STK32B: variants seen among roughly 807,000 people sequenced by gnomAD.
STK32B encodes serine/threonine-protein kinase 32B.
A neutral mutation model predicts 52.6 loss-of-function variants in STK32B; 43 were observed. The observed-to-expected ratio is 0.82, with a 90% CI of 0.64 to 1.05. STK32B has a LOEUF of 1.05. Ranked by LOEUF, STK32B falls within the 50% of genes least tolerant of loss-of-function variation. STK32B has a pLI of 0.00. For missense variants in STK32B, 621 were observed against 534.6 expected, an observed-to-expected ratio of 1.16 and a Z score of -1.59; for synonymous variants, 238 against 204.3, an observed-to-expected ratio of 1.17 and a Z score of -1.41.
intron 4 of STK32B, among the ~76,000 whole-genome samples, chr4:5,370,171 G>A (rs1735137160): frequency 6.6e-6 from 1 of 151,642 alleles, no homozygotes; most frequent in Admixed American, 6.6e-5. Flanking sequence ...CACCACGCCC[G>A]ACCCTCAAAG....
chr4:5,455,134 T>A (rs1320321399), intron 7 of STK32B, among the ~76,000 whole-genome samples: 1 of 151,208 alleles, frequency 6.6e-6, no homozygotes, highest in East Asian at 1.9e-4. Context: ...AGGGCCAACA[T>A]CTTCTCCAGG....
chr4:5,343,339 C>T (rs929737871), intron 4 of STK32B, among the ~76,000 whole-genome samples: 4 of 152,034 alleles, frequency 2.6e-5, no homozygotes, highest in Non-Finnish European at 4.4e-5. Flanking sequence ...TTTCTTCATC[C>T]AGTCTATCAT....
intron 3 of STK32B, among the ~76,000 whole-genome samples, chr4:5,302,512 A>T (rs1729631470): frequency 6.6e-6 from 1 of 152,188 alleles, no homozygotes; most frequent in Non-Finnish European, 1.5e-5. Flanking sequence ...GTTTGTACCA[A>T]AATTTATTTT....
intron 3 of STK32B, among the ~76,000 whole-genome samples, chr4:5,178,629 G>A (rs1300931015): frequency 6.6e-6 from 1 of 152,180 alleles, no homozygotes; most frequent in African/African-American, 2.4e-5. Flanking sequence ...ACATTTTGCT[G>A]CTTAGAAATT....
At position 5,398,328 on chromosome 4, in the gene STK32B, C is replaced by G; in HGVS notation, c.472+84C>G. ...AATAGTGCGGGGGTGGGGGTTGGGTCTTGCTGAGTTGGACATTAGCATTGG... is the reference window on the plus strand; with the variant it reads ...AATAGTGCGGGGGTGGGGGTTGGGTGTTGCTGAGTTGGACATTAGCATTGG... On this transcript the variant is annotated intron_variant, in intron 5 of 11. Transcript: ENST00000282908. This position sits in a 1 kb window ranked among gnomAD's most constrained non-coding sequence, Gnocchi z 4.9. 6.8e-7 allele frequency: 1 copy of G among 1,464,532 alleles called. No homozygotes were observed. Among genetic ancestry groups the G allele is most frequent in the Non-Finnish European group, 9.5e-7 (1 of 1,054,886 alleles). 90.7% of individuals were successfully genotyped at this position (1,464,532 alleles called of 1,614,324 possible). A position where few individuals can be genotyped will look rare whatever the true frequency, so the allele number is the denominator to read the frequency against.
intron 3 of STK32B, among the ~76,000 whole-genome samples, chr4:5,257,227 GTGAA>G (rs1482413615): frequency 6.5e-5 from 8 of 122,324 alleles, no homozygotes; most frequent in East Asian, 2.4e-4. Flanking sequence ...GATTATGTGA[GTGAA>G]TGAATGAGTG....
At chr4:5,102,503 TC>T (rs1713857275) in intron 1 of STK32B, among the ~76,000 whole-genome samples, 2 of 113,014 alleles carry the variant, frequency 1.8e-5, no homozygotes, top group South Asian at 7.2e-4. Context: ...CCTCCCTCCC[TC>T]CCTCCCTCCT....
the STK32B span, among the ~76,000 whole-genome samples, chr4:5,041,531 G>C: frequency 6.6e-6 from 1 of 152,074 alleles, no homozygotes; most frequent in Admixed American, 6.6e-5. Flanking sequence ...GGGCTACCAA[G>C]TTCCCAACTA....
intron 2 of STK32B, among the ~76,000 whole-genome samples, chr4:5,160,085 C>G (rs1021354825): frequency 6.6e-6 from 1 of 152,120 alleles, no homozygotes; most frequent in Non-Finnish European, 1.5e-5. Flanking sequence ...CCCAAAACAC[C>G]CGCACAGACA....
At chr4:5,287,317 G>C (rs574735876) in intron 3 of STK32B, among the ~76,000 whole-genome samples, 11 of 152,234 alleles carry the variant, frequency 7.2e-5, no homozygotes, top group African/African-American at 2.4e-4. Flanking sequence ...TGGGTGTAAA[G>C]AGGTATCACA....
In STK32B at chr4:5,460,116, A is replaced by G; in HGVS notation, c.797A>G (p.Asp266Gly). The change falls in exon 9 of 12, where the codon GAT becomes GGT. Residue 266 changes from aspartate (D) to glycine (G), a missense_variant. Physicochemically the swap from Asp to Gly is moderately conservative, Grantham distance 94. Transcript: ENST00000282908. This position sits in a 1 kb window ranked among gnomAD's most constrained non-coding sequence, Gnocchi z 4.8. ...VALLRKLLTK[D>G]PESRVSSLHD... ...CTCTAACTGCAGCTCCTGACCAAGG[A>G]TCCTGAGAGCCGCGTGTCCAGCCTT... The G allele has an allele frequency of 6.2e-7, 1 of 1,614,194 alleles. No individual in the cohort carries two copies. The highest frequency in any genetic ancestry group is 8.5e-7 in the Non-Finnish European group (1 of 1,180,042).
intron 2 of STK32B, among the ~76,000 whole-genome samples, chr4:5,151,955 C>T (rs946016739): frequency 2.6e-5 from 4 of 152,284 alleles, no homozygotes; most frequent in South Asian, 2.1e-4. Flanking sequence ...CTTGAGATGA[C>T]CATATGATGT....
intron 6 of STK32B, among the ~76,000 whole-genome samples, chr4:5,434,281 A>G (rs376284249): frequency 2.0e-5 from 3 of 152,210 alleles, no homozygotes; most frequent in East Asian, 3.8e-4. Context: ...TAGCAAAACC[A>G]TATTTATTAT....
intron 4 of STK32B, among the ~76,000 whole-genome samples, chr4:5,339,060 A>T (rs73093805): frequency 1.3e-5 from 2 of 151,184 alleles, no homozygotes; most frequent in Non-Finnish European, 3.0e-5. Flanking sequence ...CACTCTTTCT[A>T]CTTGACTGAA....
intron 3 of STK32B, among the ~76,000 whole-genome samples, chr4:5,256,824 G>A (rs1299990888): frequency 6.6e-6 from 1 of 152,168 alleles, no homozygotes; most frequent in African/African-American, 2.4e-5. Context: ...AATGAACGAT[G>A]TCAGGTGTTT....
chr4:5,493,463 C>T (rs1320083271), intron 11 of STK32B, among the ~76,000 whole-genome samples: 1 of 152,104 alleles, frequency 6.6e-6, no homozygotes, highest in East Asian at 1.9e-4. Flanking sequence ...TTTGATTCTT[C>T]TCTCTTTTCT....
chr4:5,440,396 C>T (rs1714611494), intron 6 of STK32B, among the ~76,000 whole-genome samples: 1 of 152,122 alleles, frequency 6.6e-6, no homozygotes, highest in Non-Finnish European at 1.5e-5. Context: ...CATGATTTGG[C>T]ACTCTGTTTG....
intron 3 of STK32B, among the ~76,000 whole-genome samples, chr4:5,174,125 C>A (rs1006700927): frequency 1.5e-4 from 23 of 152,054 alleles, no homozygotes; most frequent in Middle Eastern, 6.8e-3. Flanking sequence ...GATTGCAACC[C>A]CTGCCTTTTT....
chr4:5,447,154 C>T (rs1486641527), intron 7 of STK32B: 4 of 165,038 alleles, frequency 2.4e-5, no homozygotes, highest in Non-Finnish European at 5.2e-5. Flanking sequence ...AAGGTGAAGA[C>T]CATGCTTCTT....
Sources: allele counts gnomAD v4.1 joint callset (sites outside exome capture counted in the v4.1 genomes callset), GRCh38; gene constraint gnomAD v4.1.1; non-coding constraint Gnocchi (gnomAD v3.1); transcripts MANE v1.5; gene names NCBI Gene and HGNC (gene_info 2026-07-23, HGNC 2026-07-21).